The following TBC1D22B variants were observed in gnomAD, a reference collection of about 807,000 sequenced individuals.
TBC1D22B encodes TBC1 domain family member 22B, also known as chromosome 6 open reading frame 197.
A neutral mutation model predicts 69.1 loss-of-function variants in TBC1D22B; 32 were observed. The ratio of observed to expected loss-of-function variants is 0.46; its 90% CI spans 0.35 to 0.62. The LOEUF (loss-of-function observed/expected upper bound fraction) is 0.62, where lower values mean the gene tolerates loss of function less well. Among genes scored for constraint, TBC1D22B ranks in the 20% least tolerant of loss-of-function variants. The probability of loss-of-function intolerance (pLI) is 0.00; values close to 1 mark genes in which losing one functional copy is unlikely to be tolerated. For missense variants in TBC1D22B, 462 were observed against 630.9 expected, an observed-to-expected ratio of 0.73 and a Z score of 2.87; for synonymous variants, 206 against 229.8, an observed-to-expected ratio of 0.90 and a Z score of 0.94.
At chr6:37,303,046 G>T (rs772324888) in intron 8 of TBC1D22B, among the ~76,000 whole-genome samples, 3 of 152,168 alleles carry the variant, frequency 2.0e-5, no homozygotes, top group African/African-American at 7.2e-5. Context: ...AGGAAGCAAG[G>T]CATACTTCTT....
chr6:37,315,881 A>G (rs953076637), intron 10 of TBC1D22B, among the ~76,000 whole-genome samples: 7 of 152,102 alleles, frequency 4.6e-5, no homozygotes, highest in Non-Finnish European at 8.8e-5. Context: ...GGCCATAACC[A>G]TTGTTAATAG....
intron 12 of TBC1D22B, among the ~76,000 whole-genome samples, chr6:37,322,680 A>C (rs1464760176): frequency 6.6e-6 from 1 of 152,182 alleles, no homozygotes; most frequent in Non-Finnish European, 1.5e-5. Flanking sequence ...GGCAGGTTGC[A>C]GTTGTCAGAC....
At chr6:37,285,634 A>G (rs757462627) in intron 6 of TBC1D22B, among the ~76,000 whole-genome samples, 2 of 152,144 alleles carry the variant, frequency 1.3e-5, no homozygotes, top group African/African-American at 2.4e-5. Context: ...CTGGGATTAC[A>G]GGCGCACACC....
chr6:37,297,829 A>C lies in TBC1D22B; in HGVS notation c.982+6472A>C, dbSNP rs1751123396. Among the ~76,000 whole-genome samples, 3 of 152,226 alleles carry C rather than the reference A, an allele frequency of 2.0e-5. No individual in the cohort carries two copies. In the South Asian group the frequency reaches 6.2e-4, roughly 32 times the overall value. On this transcript the variant is annotated intron_variant, in intron 8 of 12. Transcript: ENST00000373491. ...ATCAATGATAGACTGGATAAAGAAA[A>C]TGTGACACATTTACACCATGGAATA...
intron 8 of TBC1D22B, among the ~76,000 whole-genome samples, chr6:37,299,904 G>C (rs2113764010): frequency 6.6e-6 from 1 of 151,850 alleles, no homozygotes; most frequent in South Asian, 2.1e-4. Flanking sequence ...AGCTACTCGG[G>C]AGGCTGAGGC....
intron 5 of TBC1D22B, 72 bp downstream of exon 5, chr6:37,283,024 A>C (rs935680137): frequency 7.3e-7 from 1 of 1,370,120 alleles, no homozygotes; most frequent in African/African-American, 1.4e-5. Context: ...GTTAGTCTGG[A>C]CACATTGGTC....
chr6:37,289,917 T>G (rs1335938244), intron 7 of TBC1D22B, among the ~76,000 whole-genome samples: 1 of 152,208 alleles, frequency 6.6e-6, no homozygotes, highest in African/African-American at 2.4e-5. Context: ...GTAGGTCTAG[T>G]GAAGGCAGAG....
chr6:37,326,453 C>A (rs926734102), intron 12 of TBC1D22B, among the ~76,000 whole-genome samples: 1 of 150,270 alleles, frequency 6.7e-6, no homozygotes, highest in Non-Finnish European at 1.5e-5. Flanking sequence ...TATCAGTTTG[C>A]AAGTGTATGT....
At chr6:37,324,091 A>G (rs994734595) in intron 12 of TBC1D22B, among the ~76,000 whole-genome samples, 1 of 152,244 alleles carries the variant, frequency 6.6e-6, no homozygotes, top group Non-Finnish European at 1.5e-5. Flanking sequence ...GGTTTGTTTT[A>G]AAGTATTTAT....
In TBC1D22B at chr6:37,283,034, C is replaced by G. The variant is rs58819653; in HGVS notation, c.672+82C>G. 9,027 of 1,214,334 alleles carry G rather than the reference C, an allele frequency of 7.4e-3. 433 individuals are homozygous for G. In the African/African-American group the frequency reaches 0.11, roughly 15 times the overall value. 75.2% of individuals were successfully genotyped at this position (1,214,334 alleles called of 1,614,324 possible). A position where few individuals can be genotyped will look rare whatever the true frequency, so the allele number is the denominator to read the frequency against. On this transcript the variant is annotated intron_variant, in intron 5 of 12. Coordinates refer to ENST00000373491, the MANE Select transcript of TBC1D22B (RefSeq NM_017772.4). ...ATGAGGTTAGTCTGGACACATTGGTCTTAACTCCATAGACTTCTCTAGTCC... is the reference window on the plus strand; with the variant it reads ...ATGAGGTTAGTCTGGACACATTGGTGTTAACTCCATAGACTTCTCTAGTCC...
In TBC1D22B at chr6:37,287,044, C is replaced by T. The variant is rs1290531670; in HGVS notation, c.839C>T (p.Pro280Leu). Residue 280 changes from proline (P) to leucine (L), a missense_variant, in exon 7 of 13, where the codon CCG becomes CTG. By Grantham distance (98) the Pro-to-Leu change is moderately conservative. Coordinates refer to ENST00000373491, the MANE Select transcript of TBC1D22B (RefSeq NM_017772.4). ...ATTCCAAGGACGAATCCTCTCATTC[C>T]GTTGTTCCAGCAACCACTTGTACAG... is the stretch of plus-strand genomic sequence containing the variant. ...IDIPRTNPLI[P>L]LFQQPLVQEI... 4 of 1,604,222 alleles carry T rather than the reference C, an allele frequency of 2.5e-6. No homozygotes were observed. Among genetic ancestry groups the T allele is most frequent in the East Asian group, 4.5e-5 (2 of 44,030 alleles).
chr6:37,298,279 G>A (rs1037840384), intron 8 of TBC1D22B, among the ~76,000 whole-genome samples: 1 of 152,054 alleles, frequency 6.6e-6, no homozygotes, highest in African/African-American at 2.4e-5. Flanking sequence ...ACCTCTTGTT[G>A]TGTGTTCTTC....
chr6:37,306,980 A>G (rs1027067474), intron 8 of TBC1D22B, among the ~76,000 whole-genome samples: 4 of 152,182 alleles, frequency 2.6e-5, no homozygotes, highest in Admixed American at 1.3e-4. Context: ...TGGAGTGGCC[A>G]TCTCTCTCAG....
At chr6:37,289,178 C>T (rs752706490) in intron 7 of TBC1D22B, among the ~76,000 whole-genome samples, 4 of 152,182 alleles carry the variant, frequency 2.6e-5, no homozygotes, top group South Asian at 2.1e-4. Flanking sequence ...AATTACAAGG[C>T]GTGAGCCACC....
chr6:37,280,850 C>A, intron 3 of TBC1D22B, among the ~76,000 whole-genome samples: 1 of 151,962 alleles, frequency 6.6e-6, no homozygotes, highest in East Asian at 1.9e-4. Context: ...TTTTTGTAAA[C>A]CTTCTAGTAG....
intron 4 of TBC1D22B, among the ~76,000 whole-genome samples, 156 bp from the exon 5 acceptor site, chr6:37,282,726 G>T (rs1766874439): frequency 6.6e-6 from 1 of 152,332 alleles, no homozygotes; most frequent in Admixed American, 6.5e-5. Context: ...GCACTTAGCT[G>T]CTCGGGGCTG....
chr6:37,277,610 C>T (rs1484863288), intron 2 of TBC1D22B, among the ~76,000 whole-genome samples: 7 of 151,924 alleles, frequency 4.6e-5, no homozygotes, highest in Non-Finnish European at 8.8e-5. Context: ...GGATTATAGG[C>T]ATGCGCCACC....
At chr6:37,300,006 C>CAA (rs764261176) in intron 8 of TBC1D22B, among the ~76,000 whole-genome samples, 3,107 of 76,942 alleles carry the variant, frequency 0.04, 146 homozygotes, top group African/African-American at 0.13. Flanking sequence ...GAGACTCTGT[C>CAA]AAAAAAAAAA....
chr6:37,271,410 C>CA (rs1275516785), intron 2 of TBC1D22B, among the ~76,000 whole-genome samples: 1 of 152,196 alleles, frequency 6.6e-6, no homozygotes, highest in Non-Finnish European at 1.5e-5. Context: ...AACCCTAACT[C>CA]AAACTACTGA....
Sources: gnomAD v4.1 joint callset for allele counts (sites outside exome capture counted in the v4.1 genomes callset) on GRCh38, gnomAD v4.1.1 for gene constraint, MANE v1.5 for transcripts, NCBI Gene and HGNC (gene_info 2026-07-23, HGNC 2026-07-21) for gene names.